WDR35: variants seen among roughly 807,000 people sequenced by gnomAD.
WDR35 encodes the protein WD repeat-containing protein 35.
Under a neutral mutation model 158.3 loss-of-function variants are expected in WDR35, and 118 were observed. The observed-to-expected ratio is 0.75, with a 90% CI of 0.64 to 0.87. The LOEUF (loss-of-function observed/expected upper bound fraction) is 0.87, where lower values mean the gene tolerates loss of function less well. WDR35 is among the 40% of genes least tolerant of loss of function. The probability of loss-of-function intolerance (pLI) is 0.00; values close to 1 mark genes in which losing one functional copy is unlikely to be tolerated. For missense variants in WDR35, 1,263 were observed against 1,405.8 expected (o/e 0.90, Z 1.62); for synonymous variants, 448 against 476.1 (o/e 0.94, Z 0.77).
At chr2:19,989,832 G>A (rs781248368) in intron 1 of WDR35, among the ~76,000 whole-genome samples, 160 bp downstream of exon 1, 5 of 152,202 alleles carry the variant, frequency 3.3e-5, no homozygotes, top group Non-Finnish European at 7.3e-5. Context: ...GGGAACCGCA[G>A]GAAGAGGTCG....
chr2:19,975,386 G>A (rs549101977), intron 6 of WDR35, 144 bp downstream of exon 6: 18 of 1,065,088 alleles, frequency 1.7e-5, no homozygotes, highest in African/African-American at 1.6e-4. Context: ...AAATTTAGAC[G>A]ATTGGGAAAA....
Position 19,934,616 on chromosome 2 carries a change from T to C in WDR35, c.2547+855A>G, listed in dbSNP as rs980300121. 6.6e-6 allele frequency among the ~76,000 whole-genome samples: 1 copy of C among 152,144 alleles called. No homozygotes were observed. The highest frequency in any genetic ancestry group is 1.5e-5 in the Non-Finnish European group (1 of 68,022). The stretch of plus-strand genomic sequence containing the variant: ...CTATTCTGGATACCCTACAGCAAAA[T>C]GTTTATCGGCATCATCAGACACATC... On this transcript the variant is annotated intron_variant, in intron 21 of 26. Transcript: ENST00000281405. The surrounding 1 kb of genome is among the most constrained non-coding windows in gnomAD (Gnocchi z 4.6).
chr2:19,978,928 T>C (rs764957585), intron 4 of WDR35, 49 bp from the exon 5 acceptor site: 16 of 1,607,948 alleles, frequency 1.0e-5, no homozygotes, highest in South Asian at 2.2e-5. Context: ...TCACATCTAT[T>C]AAATAGTAGT....
chr2:19,969,654 T>C, intron 8 of WDR35, 49 bp from the exon 9 acceptor site: 3 of 1,587,958 alleles, frequency 1.9e-6, no homozygotes, highest in Middle Eastern at 1.7e-4. Flanking sequence ...TTAACTGAAA[T>C]ACAAATTACC....
At chr2:19,988,822 C>T (rs1244269749) in intron 2 of WDR35, among the ~76,000 whole-genome samples, 4 of 152,182 alleles carry the variant, frequency 2.6e-5, no homozygotes, top group African/African-American at 9.7e-5. Context: ...GACCTGTAAA[C>T]AATCTGCCAG....
At chr2:19,919,149 G>C (rs1186638777) in intron 25 of WDR35, among the ~76,000 whole-genome samples, 1 of 152,084 alleles carries the variant, frequency 6.6e-6, no homozygotes, top group Non-Finnish European at 1.5e-5. Flanking sequence ...CGGAGGCCAA[G>C]GCGGGTGGGT....
intron 9 of WDR35, among the ~76,000 whole-genome samples, chr2:19,967,173 C>T (rs1256645749): frequency 6.6e-6 from 1 of 152,110 alleles, no homozygotes; most frequent in African/African-American, 2.4e-5. Flanking sequence ...ATTTAAGCTT[C>T]AATGGTAAAA....
chr2:19,989,456 G>C lies in WDR35; in HGVS notation c.25-174C>G, dbSNP rs79190097. On this transcript the variant is annotated intron_variant, in intron 1 of 26. Coordinates refer to ENST00000281405, the MANE Select transcript of WDR35 (RefSeq NM_020779.4). Reference sequence around the variant, plus strand: ...GTCCCCTGAACTGACCCGGGCTCTAGCATTTGGGAAAGAGGGAAAGAAGTG... The same window carrying C: ...GTCCCCTGAACTGACCCGGGCTCTACCATTTGGGAAAGAGGGAAAGAAGTG... 0.012 allele frequency among the ~76,000 whole-genome samples: 1,894 copies of C among 152,296 alleles called. 37 individuals are homozygous for C. The highest frequency in any genetic ancestry group is 0.043 in the African/African-American group (1,806 of 41,550).
intron 25 of WDR35, among the ~76,000 whole-genome samples, chr2:19,922,720 A>G (rs1670209431): frequency 6.6e-6 from 1 of 152,234 alleles, no homozygotes; most frequent in Non-Finnish European, 1.5e-5. Context: ...GTATAATTAA[A>G]AAAAAGTATA....
At position 19,978,804 on chromosome 2, in the gene WDR35, T is replaced by G; in HGVS notation, c.383A>C (p.Gln128Pro). 1 of 1,613,954 alleles carries G rather than the reference T, an allele frequency of 6.2e-7. No homozygotes were observed. Among genetic ancestry groups the G allele is most frequent in the Non-Finnish European group, 8.5e-7 (1 of 1,179,892 alleles). ...VRSMSWNADG[Q>P]KICIVYEDGA... is the part of the protein sequence containing the mutation. ...ATCTTCATATACAATGCAGATCTTC[T>G]GTCCGTCAGCATTCCAGCTCATACT... Residue 128 changes from glutamine (Q) to proline (P), a missense_variant, in exon 5 of 27, where the codon CAG (glutamine) becomes CCG (proline). By Grantham distance (76) the Gln-to-Pro change is moderately conservative (BLOSUM62 -1). Transcript: ENST00000281405.
intron 11 of WDR35, among the ~76,000 whole-genome samples, chr2:19,957,187 T>TAG (rs1671472777): frequency 6.6e-6 from 1 of 152,190 alleles, no homozygotes; most frequent in South Asian, 2.1e-4. Context: ...TAAGAAGTAT[T>TAG]AGTTAGACAT....
At chr2:19,938,428 A>C (rs747818968) in intron 17 of WDR35, 27 bp from the exon 18 acceptor site, 7 of 1,612,354 alleles carry the variant, frequency 4.3e-6, no homozygotes, top group Admixed American at 1.7e-5. Flanking sequence ...AAACAAAAAA[A>C]TTCAAATATT....
chr2:19,988,958 T>C (rs937357239), intron 2 of WDR35, among the ~76,000 whole-genome samples: 1 of 152,222 alleles, frequency 6.6e-6, no homozygotes, highest in African/African-American at 2.4e-5. Context: ...TTTCCATTAA[T>C]AACTCAGCAA....
rs1296440573 is a variant in WDR35, at chr2:19,912,023, C to T, written c.*1535G>A. 6.6e-6 allele frequency: 1 copy of T among 152,196 alleles called. No individual in the cohort carries two copies. The highest frequency in any genetic ancestry group is 2.4e-5 in the African/African-American group (1 of 41,444). 9.4% of individuals were successfully genotyped at this position (152,196 alleles called of 1,614,324 possible). A position where few individuals can be genotyped will look rare whatever the true frequency, so the allele number is the denominator to read the frequency against. On this transcript the variant is annotated 3_prime_UTR_variant, in exon 27 of 27. Transcript: ENST00000281405. ...TTGAGTCATCTGGCTCAAGCGGCCA[C>T]TCTGGTCCTTTTTGTAACCCGACTA...
At chr2:19,978,966 C>A (rs771466385) in intron 4 of WDR35, 87 bp from the exon 5 acceptor site, 15 of 1,537,810 alleles carry the variant, frequency 9.8e-6, no homozygotes, top group Non-Finnish European at 1.2e-5. Flanking sequence ...CCATAAAGTA[C>A]GCCATGGGAC....
At chr2:19,916,008 G>A (rs144688073) in intron 25 of WDR35, among the ~76,000 whole-genome samples, 15 of 151,836 alleles carry the variant, frequency 9.9e-5, no homozygotes, top group African/African-American at 2.4e-4. Flanking sequence ...CAAGATTGAC[G>A]CAGAAGGTGG....
intron 25 of WDR35, among the ~76,000 whole-genome samples, chr2:19,926,511 T>A (rs753601330): frequency 2.0e-5 from 3 of 152,274 alleles, no homozygotes; most frequent in Non-Finnish European, 4.4e-5. Context: ...TCTACACAGT[T>A]AATTGAAAAT....
chr2:19,949,954 G>A lies in WDR35; in HGVS notation c.1470+1461C>T, dbSNP rs1414164800. On this transcript the variant is annotated intron_variant, in intron 13 of 26. Transcript: ENST00000281405. Reference sequence around the variant, plus strand: ...TTCAGCCTCAGGCAGATTAAACTTGGGGGGCTTTTGAGCTGCTCAATTTCT... The same window carrying A: ...TTCAGCCTCAGGCAGATTAAACTTGAGGGGCTTTTGAGCTGCTCAATTTCT... 2.0e-5 allele frequency among the ~76,000 whole-genome samples: 3 copies of A among 152,152 alleles called. No individual in the cohort carries two copies. In the East Asian group the frequency reaches 5.8e-4, roughly 29 times the overall value.
intron 10 of WDR35, 42 bp downstream of exon 10, chr2:19,966,682 C>A (rs1050623061): frequency 6.2e-7 from 1 of 1,605,134 alleles, no homozygotes; most frequent in Non-Finnish European, 8.5e-7. Context: ...ATAACCCAAG[C>A]AGTTAGCCCA....
Sources: gnomAD v4.1 joint callset for allele counts (sites outside exome capture counted in the v4.1 genomes callset) on GRCh38, gnomAD v4.1.1 for gene constraint, Gnocchi (gnomAD v3.1) non-coding constraint, MANE v1.5 for transcripts, NCBI Gene and HGNC (gene_info 2026-07-23, HGNC 2026-07-21) for gene names.